Variants in FRMD4B observed in about 807,000 individuals in gnomAD.
The protein encoded by FRMD4B is FERM domain-containing protein 4B.
FRMD4B carries 74 observed loss-of-function variants against 141.5 expected under a neutral mutation model. The ratio of observed to expected loss-of-function variants is 0.52; its 90% CI spans 0.43 to 0.63. FRMD4B has a LOEUF of 0.63. FRMD4B is among the 30% of genes least tolerant of loss of function. The pLI is 0.00. For synonymous variants in FRMD4B, 506 were observed against 467.9 expected (o/e 1.08, Z -1.05); for missense variants, 1,366 against 1,253.4 (o/e 1.09, Z -1.36).
At position 69,247,798 on chromosome 3, in the gene FRMD4B, G is replaced by A. The variant is rs915836564; in HGVS notation, c.581+1428C>T. Among the ~76,000 whole-genome samples the A allele has an allele frequency of 3.9e-5, 6 of 152,268 alleles. No individual in the cohort carries two copies. The East Asian group carries it at 5.8e-4, about 15-fold the overall frequency. ...CAAGTAGCTGGGACTACAGGCACCC[G>A]CCACCGCACCCAGCTAATTTTTTTG... On this transcript the variant is annotated intron_variant, in intron 7 of 22. Coordinates refer to ENST00000398540, the MANE Select transcript of FRMD4B (RefSeq NM_015123.3).
intron 1 of FRMD4B, among the ~76,000 whole-genome samples, chr3:69,350,957 G>A (rs934399322): frequency 1.3e-5 from 2 of 152,104 alleles, no homozygotes; most frequent in South Asian, 2.1e-4. Flanking sequence ...TTGTGCACAT[G>A]TACTCTAGAA....
At chr3:69,407,766 T>C (rs973873095) in intron 2 of FRMD4B, among the ~76,000 whole-genome samples, 3 of 152,116 alleles carry the variant, frequency 2.0e-5, no homozygotes, top group African/African-American at 7.2e-5. Flanking sequence ...CAGCAATATC[T>C]GCCATAGGCC....
chr3:69,354,766 C>G (rs1244074120), intron 1 of FRMD4B, among the ~76,000 whole-genome samples: 1 of 152,078 alleles, frequency 6.6e-6, no homozygotes, highest in Non-Finnish European at 1.5e-5. Context: ...TCAGATCCTT[C>G]TAAAGACTCT....
intron 5 of FRMD4B, among the ~76,000 whole-genome samples, chr3:69,264,884 T>C (rs1200125884): frequency 6.6e-6 from 1 of 152,052 alleles, no homozygotes; most frequent in Non-Finnish European, 1.5e-5. Context: ...TTGATCACGA[T>C]GAAGATAGGA....
At chr3:69,537,147 G>A (rs549316560) in intron 1 of FRMD4B, among the ~76,000 whole-genome samples, 1 of 152,254 alleles carries the variant, frequency 6.6e-6, no homozygotes, top group East Asian at 1.9e-4. Context: ...ATAATTTATC[G>A]TCCAAACTGA....
chr3:69,402,154 G>A (rs934968792), intron 2 of FRMD4B, among the ~76,000 whole-genome samples: 2 of 152,158 alleles, frequency 1.3e-5, no homozygotes, highest in Non-Finnish European at 1.5e-5. Flanking sequence ...CCTAGGGCAG[G>A]TATGGTAATC....
At chr3:69,439,174 T>C (rs1705306042) in intron 1 of FRMD4B, among the ~76,000 whole-genome samples, 1 of 152,222 alleles carries the variant, frequency 6.6e-6, no homozygotes, top group South Asian at 2.1e-4. Context: ...ACATGGTTTT[T>C]TGCGATCTAG....
chr3:69,444,003 A>T (rs1005326979), intron 1 of FRMD4B, among the ~76,000 whole-genome samples: 16 of 151,968 alleles, frequency 1.1e-4, no homozygotes, highest in Non-Finnish European at 2.1e-4. Flanking sequence ...TTGCATTTTG[A>T]TGACTAACTT....
chr3:69,527,032 T>A lies in FRMD4B; in HGVS notation c.-129+15174A>T, dbSNP rs1700940241. ...TGCAGATACCACATCTGGCTTCTGA[T>A]CCTCAGAGATTCCCACATTCTGGTG... On this transcript the variant is annotated intron_variant, in intron 1 of 5. Transcript: ENST00000459638. 2.0e-5 allele frequency among the ~76,000 whole-genome samples: 3 copies of A among 152,168 alleles called. No individual in the cohort carries two copies. The South Asian group carries it at 6.2e-4, about 32-fold the overall frequency.
intron 1 of FRMD4B, among the ~76,000 whole-genome samples, chr3:69,437,839 T>C (rs1575802429): frequency 1.6e-5 from 2 of 128,670 alleles, no homozygotes; most frequent in South Asian, 2.2e-4. Flanking sequence ...TATTCATATA[T>C]AGTATATATA....
chr3:69,501,955 C>A (rs969795434), intron 1 of FRMD4B, among the ~76,000 whole-genome samples: 1 of 152,106 alleles, frequency 6.6e-6, no homozygotes, highest in Non-Finnish European at 1.5e-5. Flanking sequence ...AATAAAATAC[C>A]TAGGAATCCA....
chr3:69,297,526 T>C (rs1395112368), intron 4 of FRMD4B, among the ~76,000 whole-genome samples: 1 of 152,108 alleles, frequency 6.6e-6, no homozygotes, highest in African/African-American at 2.4e-5. Flanking sequence ...GGATGAAAGA[T>C]GCCAAGATTC....
intron 4 of FRMD4B, among the ~76,000 whole-genome samples, chr3:69,291,527 GT>G (rs751730027): frequency 2.6e-5 from 4 of 152,170 alleles, no homozygotes; most frequent in African/African-American, 4.8e-5. Context: ...GACCAGATGG[GT>G]GAGACCTGCT....
At chr3:69,407,410 A>T (rs1704668573) in intron 2 of FRMD4B, among the ~76,000 whole-genome samples, 2 of 152,032 alleles carry the variant, frequency 1.3e-5, no homozygotes, top group Admixed American at 1.3e-4. Flanking sequence ...CAGTGTAATC[A>T]CTCTACTATT....
At chr3:69,310,608 AG>A (rs1465907746) in intron 3 of FRMD4B, 17 of 328,612 alleles carry the variant, frequency 5.2e-5, no homozygotes, top group Non-Finnish European at 8.6e-5. Context: ...AGAGAGAGAG[AG>A]AGAAAAGAGC....
intron 1 of FRMD4B, among the ~76,000 whole-genome samples, chr3:69,354,556 G>A (rs969529985): frequency 1.3e-5 from 2 of 152,114 alleles, no homozygotes; most frequent in African/African-American, 4.8e-5. Flanking sequence ...ATCTTTCTGA[G>A]AATTGGTTCC....
chr3:69,340,549 G>A (rs943178814), intron 1 of FRMD4B, among the ~76,000 whole-genome samples: 1 of 152,202 alleles, frequency 6.6e-6, no homozygotes, highest in African/African-American at 2.4e-5. Context: ...TGAAGATCCT[G>A]CAGTCAGAAC....
intron 7 of FRMD4B, among the ~76,000 whole-genome samples, chr3:69,227,914 T>G (rs2093269920): frequency 2.0e-5 from 3 of 150,484 alleles, no homozygotes; most frequent in Admixed American, 6.7e-5. Context: ...ACAGTGGGGG[T>G]GGGGAAAGGG....
chr3:69,533,253 G>C (rs1052546004), intron 1 of FRMD4B, among the ~76,000 whole-genome samples: 4 of 152,208 alleles, frequency 2.6e-5, no homozygotes, highest in Non-Finnish European at 5.9e-5. Context: ...TCTTGGGAGA[G>C]AAAGGCAAGC....
Sources: gnomAD v4.1 joint callset for allele counts (sites outside exome capture counted in the v4.1 genomes callset) on GRCh38, gnomAD v4.1.1 for gene constraint, MANE v1.5 for transcripts, NCBI Gene and HGNC (gene_info 2026-07-23, HGNC 2026-07-21) for gene names.